MEGF11: variants seen among roughly 807,000 people sequenced by gnomAD.
MEGF11 encodes multiple epidermal growth factor-like domains protein 11.
In MEGF11, 126 loss-of-function variants were observed where a neutral mutation model predicts 146.6. That is an observed-to-expected ratio of 0.86 (90% confidence interval 0.74 to 1.00). MEGF11 has a LOEUF of 1.00. Among genes scored for constraint, MEGF11 ranks in the 50% least tolerant of loss-of-function variants. The probability of loss-of-function intolerance (pLI) is 0.00; values close to 1 mark genes in which losing one functional copy is unlikely to be tolerated. For missense variants in MEGF11, 1,509 were observed against 1,521.2 expected (o/e 0.99, Z 0.13); for synonymous variants, 532 against 583.4 (o/e 0.91, Z 1.27).
At chr15:66,053,085 A>AGGGTGGATGGGTAGGTTGGT (rs1238901296) in intron 5 of MEGF11, among the ~76,000 whole-genome samples, 9 of 152,042 alleles carry the variant, frequency 5.9e-5, no homozygotes, top group African/African-American at 2.2e-4. Context: ...CATGAGTGGC[A>AGGGTGGATGGGTAGGTTGGT]GGGTGGATGG....
rs188561568 is a variant in MEGF11 at position 65,983,078 on chromosome 15, C to T, written c.395-590G>A. 6.3e-3 allele frequency among the ~76,000 whole-genome samples: 962 copies of T among 152,286 alleles called. 2 individuals are homozygous for T. Among genetic ancestry groups the T allele is most frequent in the Admixed American group, 0.011 (169 of 15,286 alleles). On this transcript the variant is annotated intron_variant, in intron 5 of 25. Transcript: ENST00000395614. ...ATATTTCCTCTAACTCCCTGCCCCT[C>T]CCCTGGCTCCATCTCCCTGTCACCC... is the stretch of plus-strand genomic sequence containing the variant.
chr15:65,999,803 T>C (rs890669376), intron 5 of MEGF11, among the ~76,000 whole-genome samples: 2 of 152,230 alleles, frequency 1.3e-5, no homozygotes, highest in East Asian at 1.9e-4. Flanking sequence ...CAAGGCATCA[T>C]GCTATGTGCA....
In MEGF11 at chr15:65,918,081, T is replaced by C; in HGVS notation, c.1971A>G (p.Gly657=). 1 of 1,613,842 alleles carries C rather than the reference T, an allele frequency of 6.2e-7. No individual in the cohort carries two copies. The highest frequency in any genetic ancestry group is 1.1e-5 in the South Asian group (1 of 91,068). The change falls in exon 16 of 26, where the codon GGA becomes GGG. Residue 657 remains glycine (G), a synonymous_variant. Coordinates refer to ENST00000395614, the MANE Select transcript of MEGF11 (RefSeq NM_001385028.1). ...GCTGGGCACAGTCCTGCCCAAAGTA[T>C]CCTCCAGCACACACTGTGGGCACAG... The part of the protein sequence containing the change: ...GALCNQVCAG[G]YFGQDCAQLC...
intron 1 of MEGF11, among the ~76,000 whole-genome samples, chr15:66,169,188 G>A (rs1022227944): frequency 6.6e-6 from 1 of 152,224 alleles, no homozygotes; most frequent in East Asian, 1.9e-4. Context: ...TGCACAGACC[G>A]CAGCGTCCTG....
chr15:66,220,384 C>T (rs564827957), intron 1 of MEGF11, among the ~76,000 whole-genome samples: 118 of 152,010 alleles, frequency 7.8e-4, no homozygotes, highest in Middle Eastern at 3.4e-3. Flanking sequence ...AAGCCAGTCT[C>T]GAGAGATTAC....
At chr15:65,977,750 A>G (rs995714485) in intron 7 of MEGF11, among the ~76,000 whole-genome samples, 1 of 151,830 alleles carries the variant, frequency 6.6e-6, no homozygotes, top group African/African-American at 2.4e-5. Context: ...CCTCTCTTCC[A>G]GTCTTTTCTT....
intron 5 of MEGF11, among the ~76,000 whole-genome samples, chr15:66,003,030 A>AC (rs1456149634): frequency 6.7e-6 from 1 of 149,784 alleles, no homozygotes; most frequent in Non-Finnish European, 1.5e-5. Flanking sequence ...TAGCTCTGTC[A>AC]CCCAGGCTGG....
At chr15:65,968,456 G>A (rs1433840549) in intron 8 of MEGF11, among the ~76,000 whole-genome samples, 1 of 152,168 alleles carries the variant, frequency 6.6e-6, no homozygotes, top group Non-Finnish European at 1.5e-5. Context: ...AAACTCCTCT[G>A]AAGGGCAATT....
At chr15:66,252,306 G>A (rs1348954641) in intron 1 of MEGF11, among the ~76,000 whole-genome samples, 1 of 151,972 alleles carries the variant, frequency 6.6e-6, no homozygotes, top group Non-Finnish European at 1.5e-5. Context: ...TGGTGCCGGG[G>A]CGCGAGGACC....
At position 66,239,579 on chromosome 15, in the gene MEGF11, G is replaced by C. The variant is rs927350629; in HGVS notation, c.-9+14026C>G. Among the ~76,000 whole-genome samples, 28 of 152,328 alleles carry C rather than the reference G, an allele frequency of 1.8e-4. No homozygotes were observed. In the East Asian group the frequency reaches 4.8e-3, roughly 26 times the overall value. On this transcript the variant is annotated intron_variant, in intron 1 of 25. Transcript: ENST00000395614. Reference sequence around the variant, plus strand: ...CCATCACCTACTTTCTGGGTGGAGAGCTAGGCCACCACTACCAGTGGTCTC... The same window carrying C: ...CCATCACCTACTTTCTGGGTGGAGACCTAGGCCACCACTACCAGTGGTCTC...
At chr15:66,195,654 T>C (rs562170330) in intron 1 of MEGF11, among the ~76,000 whole-genome samples, 31 of 152,308 alleles carry the variant, frequency 2.0e-4, no homozygotes, top group Non-Finnish European at 8.8e-5. Context: ...ATCCGGGAAA[T>C]GAGACGGGGA....
At chr15:66,198,598 G>A (rs2091068986) in intron 1 of MEGF11, among the ~76,000 whole-genome samples, 2 of 152,152 alleles carry the variant, frequency 1.3e-5, no homozygotes, top group Non-Finnish European at 2.9e-5. Context: ...TGATTCTCCT[G>A]CCTCAGCCTC....
chr15:66,161,307 C>A (rs1001111407), intron 1 of MEGF11, among the ~76,000 whole-genome samples: 1 of 152,156 alleles, frequency 6.6e-6, no homozygotes, highest in Non-Finnish European at 1.5e-5. Flanking sequence ...GGCAGCCACA[C>A]GGGTGAAGAA....
At chr15:66,160,476 T>A (rs891375191) in intron 1 of MEGF11, among the ~76,000 whole-genome samples, 2 of 152,160 alleles carry the variant, frequency 1.3e-5, no homozygotes, top group African/African-American at 4.8e-5. Flanking sequence ...GAGAAATAAA[T>A]ACTCCCATTG....
At chr15:65,962,994 C>G (rs980685937) in intron 9 of MEGF11, among the ~76,000 whole-genome samples, 1 of 152,202 alleles carries the variant, frequency 6.6e-6, no homozygotes, top group African/African-American at 2.4e-5. Context: ...AATAATGCAT[C>G]GAGGACTCCT....
chr15:66,007,748 T>C (rs1179973157), intron 5 of MEGF11, among the ~76,000 whole-genome samples: 1 of 151,170 alleles, frequency 6.6e-6, no homozygotes, highest in African/African-American at 2.5e-5. Context: ...GTGGACCCTG[T>C]CTCAAGAAAA....
chr15:66,138,084 T>G (rs74245462), intron 1 of MEGF11, among the ~76,000 whole-genome samples: 30,301 of 152,102 alleles, frequency 0.2, 3,318 homozygotes, highest in Non-Finnish European at 0.25. Flanking sequence ...TTAACCACAA[T>G]AAAGCCACCT....
intron 5 of MEGF11, among the ~76,000 whole-genome samples, chr15:66,089,935 T>A (rs1195909028): frequency 6.6e-6 from 1 of 152,208 alleles, no homozygotes; most frequent in Non-Finnish European, 1.5e-5. Flanking sequence ...TTACTCTTCA[T>A]TGTTATATGG....
intron 5 of MEGF11, among the ~76,000 whole-genome samples, chr15:66,014,122 G>A (rs569954022): frequency 3.3e-5 from 5 of 152,340 alleles, no homozygotes; most frequent in Non-Finnish European, 7.3e-5. Flanking sequence ...AAGGAGACCT[G>A]GAACAAAGGC....
Sources: gnomAD v4.1 joint callset for allele counts (sites outside exome capture counted in the v4.1 genomes callset) on GRCh38, gnomAD v4.1.1 for gene constraint, MANE v1.5 for transcripts, NCBI Gene and HGNC (gene_info 2026-07-23, HGNC 2026-07-21) for gene names.